The following MLLT6 variants were observed in gnomAD, a reference collection of about 807,000 sequenced individuals.
The protein encoded by MLLT6 is MLLT6, PHD finger containing.
MLLT6 carries 22 observed loss-of-function variants against 103.0 expected under a neutral mutation model. The ratio of observed to expected loss-of-function variants is 0.21; its 90% confidence interval spans 0.15 to 0.31. The LOEUF is 0.31. MLLT6 is among the 10% of genes least tolerant of loss of function. MLLT6 has a pLI of 1.00. For missense variants in MLLT6, 1,199 were observed against 1,441.7 expected, an observed-to-expected ratio of 0.83 and a Z score of 2.73; for synonymous variants, 606 against 623.5, an observed-to-expected ratio of 0.97 and a Z score of 0.42.
At chr17:38,712,129 T>G (rs1458967959) in intron 7 of MLLT6, 115 bp downstream of exon 7, 3 of 1,366,574 alleles carry the variant, frequency 2.2e-6, no homozygotes, top group Non-Finnish European at 2.8e-6. Context: ...CCTTCTTCCT[T>G]CCTCTGAGGC....
Position 38,716,669 on chromosome 17 carries a change from G to A in MLLT6, c.1339G>A (p.Ala447Thr), listed in dbSNP as rs145966494. The change falls in exon 10 of 20, where the codon GCA becomes ACA. Residue 447 changes from alanine (A) to threonine (T), a missense_variant. By Grantham distance (58) the Ala-to-Thr change is moderately conservative. Coordinates refer to ENST00000621332, the MANE Select transcript of MLLT6 (RefSeq NM_005937.4). The surrounding 1 kb of genome is among the most constrained non-coding windows in gnomAD (Gnocchi z 5.6). ...ASAGTHKRMPALSATPVPADE... is the reference protein window; with the variant it reads ...ASAGTHKRMPTLSATPVPADE... Reference sequence around the variant, plus strand: ...GGCAGGCACCCACAAACGGATGCCCGCACTGAGTGCCACCCCTGTGCCTGC... The same window carrying A: ...GGCAGGCACCCACAAACGGATGCCCACACTGAGTGCCACCCCTGTGCCTGC... The A allele has an allele frequency of 1.4e-4, 231 of 1,612,818 alleles. No homozygotes were observed. The highest frequency in any genetic ancestry group is 1.8e-4 in the Non-Finnish European group (211 of 1,179,702).
At chr17:38,717,086 A>C in intron 10 of MLLT6, 105 bp downstream of exon 10, 1 of 1,502,900 alleles carries the variant, frequency 6.7e-7, no homozygotes. Flanking sequence ...TACCACTCCA[A>C]AAGATAGAGC....
At chr17:38,718,227 T>C (rs533334609) in intron 12 of MLLT6, 155 of 295,294 alleles carry the variant, frequency 5.2e-4, no homozygotes, top group African/African-American at 3.2e-3. Flanking sequence ...ATACAAAAAG[T>C]AGCTGGGCGT....
chr17:38,711,324 T>G (rs1198448989), intron 6 of MLLT6, among the ~76,000 whole-genome samples: 1 of 151,964 alleles, frequency 6.6e-6, no homozygotes, highest in Non-Finnish European at 1.5e-5. Context: ...GGGCAGCATA[T>G]CCTTTGGGAC....
In MLLT6 at chr17:38,705,669, G is replaced by C. The variant is rs772837740; in HGVS notation, c.37G>C (p.Asp13His). 1 of 1,573,130 alleles carries C rather than the reference G, an allele frequency of 6.4e-7. No homozygotes were observed. The highest frequency in any genetic ancestry group is 8.6e-7 in the Non-Finnish European group (1 of 1,158,666). ...GGTAGGAGGCTGCTGCGTATGTTCG[G>C]ACGAGAGGGGCTGGGCCGAGAACCC... Reference protein sequence around the residue: ...EMVGGCCVCSDERGWAENPLV... With the variant: ...EMVGGCCVCSHERGWAENPLV... Residue 13 changes from aspartate (D) to histidine (H), a missense_variant, in exon 1 of 20, where the codon GAC becomes CAC. Physicochemically the swap from Asp to His is moderately conservative, Grantham distance 81 (BLOSUM62 -1). Around this residue, in one of 7 missense-constraint regions of MLLT6, gnomAD observed 24 missense variants for 38.7 expected, o/e 0.62. Transcript: ENST00000621332.
rs373070708 is a variant in MLLT6 at position 38,711,860 on chromosome 17, A to G, written c.566A>G (p.His189Arg). The G allele has an allele frequency of 1.3e-5, 20 of 1,575,556 alleles. No individual in the cohort carries two copies. The highest frequency in any genetic ancestry group is 1.6e-5 in the Non-Finnish European group (18 of 1,160,924). Residue 189 changes from histidine to arginine, a missense_variant, in exon 7 of 20, where the codon CAC becomes CGC. By Grantham distance (29) the His-to-Arg change is conservative. Coordinates refer to ENST00000621332, the MANE Select transcript of MLLT6 (RefSeq NM_005937.4). The stretch of plus-strand genomic sequence containing the variant: ...TCTCTCCCGCAGAAGACATCCCGGC[A>G]CAGCAGCGGGGGAGGCGGAGGAGGC... Reference protein sequence around the residue: ...YHFSKMKTSRHSSGGGGGGAG... With the variant: ...YHFSKMKTSRRSSGGGGGGAG...
rs1300644634 is a variant in MLLT6, at chr17:38,711,762, A to G, written c.553-85A>G. 7.7e-6 allele frequency: 11 copies of G among 1,437,494 alleles called. No homozygotes were observed. The Admixed American group carries it at 2.6e-4, about 34-fold the overall frequency. 89.0% of individuals were successfully genotyped at this position (1,437,494 alleles called of 1,614,324 possible). A position where few individuals can be genotyped will look rare whatever the true frequency, so the allele number is the denominator to read the frequency against. On this transcript the variant is annotated intron_variant, in intron 6 of 19. Coordinates refer to ENST00000621332, the MANE Select transcript of MLLT6 (RefSeq NM_005937.4). Reference sequence around the variant, plus strand: ...GACGGGGCACATGGGGCTGACCCCCAGGATCAGGATCCTCTAACCTTCTGG... The same window carrying G: ...GACGGGGCACATGGGGCTGACCCCCGGGATCAGGATCCTCTAACCTTCTGG...
chr17:38,719,486 C>A, intron 12 of MLLT6, 31 bp from the exon 13 acceptor site: 1 of 1,579,114 alleles, frequency 6.3e-7, no homozygotes. Flanking sequence ...ACCACTCCTC[C>A]ACGCTGATCC....
chr17:38,705,855 C>A, intron 1 of MLLT6, 114 bp downstream of exon 1: 1 of 328,630 alleles, frequency 3.0e-6, no homozygotes, highest in Non-Finnish European at 5.3e-6. Context: ...CCCCACCCCA[C>A]CTGAAGGGAA....
chr17:38,720,882 C>T (rs1157854837), intron 16 of MLLT6, 135 bp downstream of exon 16: 2 of 768,114 alleles, frequency 2.6e-6, no homozygotes, highest in Non-Finnish European at 4.2e-6. Context: ...TTCAGTCCTC[C>T]CTTAATCAAG....
At position 38,717,473 on chromosome 17, in the gene MLLT6, G is replaced by C; in HGVS notation, c.1693G>C (p.Gly565Arg). The change falls in exon 11 of 20, where the codon GGG becomes CGG. Residue 565 changes from glycine to arginine, a missense_variant. Physicochemically the swap from Gly to Arg is moderately radical, Grantham distance 125 (BLOSUM62 -2). Around this residue, in one of 7 missense-constraint regions of MLLT6, gnomAD observed 1,034 missense variants for 1,091.5 expected, o/e 0.95. Transcript: ENST00000621332. ...SNKDPISHSG[G>R]MLRAVCSTPL... is the part of the protein sequence containing the mutation. ...TAAGGACCCCATCTCCCACAGTGGC[G>C]GGATGCTGCGGGCTGTCTGCAGCAC... 1 of 1,611,048 alleles carries C rather than the reference G, an allele frequency of 6.2e-7. No individual in the cohort carries two copies. Among genetic ancestry groups the C allele is most frequent in the Non-Finnish European group, 8.5e-7 (1 of 1,178,680 alleles).
intron 14 of MLLT6, 183 bp from the exon 15 acceptor site, chr17:38,720,189 G>T (rs1905631220): frequency 2.9e-6 from 2 of 700,694 alleles, no homozygotes; most frequent in Non-Finnish European, 4.7e-6. Context: ...CTCCGCCCCA[G>T]GTCTTCACAC....
intron 14 of MLLT6, 102 bp downstream of exon 14, chr17:38,719,997 C>T: frequency 7.0e-7 from 1 of 1,427,244 alleles, no homozygotes; most frequent in Non-Finnish European, 9.2e-7. Flanking sequence ...CCCTTAGGCC[C>T]CGCCCCAGCC....
Position 38,724,492 on chromosome 17 carries a change from C to G in MLLT6, c.2884-128C>G, listed in dbSNP as rs903447562. On this transcript the variant is annotated intron_variant, in intron 18 of 19. Transcript: ENST00000621332. This position sits in a 1 kb window ranked among gnomAD's most constrained non-coding sequence, Gnocchi z 5.4. Reference sequence around the variant, plus strand: ...TGGGAAATGCGAGACAGTACCTTGACTGTCTCACAGGCCTCTTGCCTCCTG... The same window carrying G: ...TGGGAAATGCGAGACAGTACCTTGAGTGTCTCACAGGCCTCTTGCCTCCTG... 3.0e-6 allele frequency: 2 copies of G among 668,064 alleles called. No homozygotes were observed. The highest frequency in any genetic ancestry group is 5.1e-6 in the Non-Finnish European group (2 of 392,374). 41.4% of individuals were successfully genotyped at this position (668,064 alleles called of 1,614,324 possible). A position where few individuals can be genotyped will look rare whatever the true frequency, so the allele number is the denominator to read the frequency against.
intron 12 of MLLT6, chr17:38,718,711 C>T (rs1325520643): frequency 6.6e-6 from 1 of 152,212 alleles, no homozygotes; most frequent in African/African-American, 2.4e-5. Flanking sequence ...GGGATCAGCG[C>T]TTACGGAGGT....
chr17:38,721,898 G>A lies in MLLT6; in HGVS notation c.2463G>A (p.Pro821=), dbSNP rs1170674806. 18 of 1,567,758 alleles carry A rather than the reference G, an allele frequency of 1.1e-5. No individual in the cohort carries two copies. Among genetic ancestry groups the A allele is most frequent in the Middle Eastern group, 2.1e-4 (1 of 4,838 alleles). The change falls in exon 17 of 20, where the codon CCG becomes CCA. Residue 821 remains proline, a synonymous_variant. Coordinates refer to ENST00000621332, the MANE Select transcript of MLLT6 (RefSeq NM_005937.4). The part of the protein sequence containing the change: ...TSSEDPHSGC[P]SRSSSSLSFH... ...CCCAGGACCCACACTCAGGCTGCCCGAGCCGCAGCAGCTCGTCGCTGTCCT... is the reference window on the plus strand; with the variant it reads ...CCCAGGACCCACACTCAGGCTGCCCAAGCCGCAGCAGCTCGTCGCTGTCCT...
Position 38,726,779 on chromosome 17 carries a change from A to C in MLLT6, c.*1181A>C, listed in dbSNP as rs1001453198. ...GGGGGGAAATGCCACTGCTTTTAGC[A>C]AAAGCCTCCCTCCCAGAATTAGCCA... On this transcript the variant is annotated 3_prime_UTR_variant, in exon 20 of 20. Coordinates refer to ENST00000621332, the MANE Select transcript of MLLT6 (RefSeq NM_005937.4). 1.7e-5 allele frequency: 4 copies of C among 233,588 alleles called. No individual in the cohort carries two copies. Among genetic ancestry groups the C allele is most frequent in the Non-Finnish European group, 3.4e-5 (4 of 118,086 alleles). The allele number at this position is 233,588 out of a possible 1,614,324, so 14.5% of individuals were successfully genotyped here. A position where few individuals can be genotyped will look rare whatever the true frequency, so the allele number is the denominator to read the frequency against.
At chr17:38,705,958 C>A (rs1193765032) in intron 1 of MLLT6, 3 of 238,128 alleles carry the variant, frequency 1.3e-5, no homozygotes, top group Non-Finnish European at 2.4e-5. Flanking sequence ...CGCCCCCCAC[C>A]CTAAGTTGAG....
intron 4 of MLLT6, 178 bp from the exon 5 acceptor site, chr17:38,708,995 T>A: frequency 3.4e-6 from 2 of 596,606 alleles, no homozygotes; most frequent in Non-Finnish European, 5.9e-6. Flanking sequence ...CCCATGTGAC[T>A]GGTGGCATTT....
Sources: gnomAD v4.1 joint callset for allele counts (sites outside exome capture counted in the v4.1 genomes callset) on GRCh38, gnomAD v4.1.1 for gene constraint, gnomAD v4.1.1 regional missense constraint, Gnocchi (gnomAD v3.1) non-coding constraint, MANE v1.5 for transcripts, NCBI Gene and HGNC (gene_info 2026-07-23, HGNC 2026-07-21) for gene names.